ACAT2: variants seen among roughly 807,000 people sequenced by gnomAD.
The protein encoded by ACAT2 is acetyl-CoA acetyltransferase, cytosolic.
In ACAT2, 26 loss-of-function variants were observed where a neutral mutation model predicts 37.1. The ratio of observed to expected loss-of-function variants is 0.70; its 90% confidence interval spans 0.51 to 0.97. The LOEUF (loss-of-function observed/expected upper bound fraction) is 0.97. Among genes scored for constraint, ACAT2 ranks in the 50% least tolerant of loss-of-function variants. The pLI, the probability that ACAT2 is intolerant of heterozygous loss-of-function variation, is 0.00. For missense variants in ACAT2, 468 were observed against 489.0 expected (o/e 0.96, Z 0.40); for synonymous variants, 156 against 163.6 (o/e 0.95, Z 0.35).
At chr6:159,770,981 C>T (rs971017934) in intron 4 of ACAT2, among the ~76,000 whole-genome samples, 1 of 152,212 alleles carries the variant, frequency 6.6e-6, no homozygotes, top group South Asian at 2.1e-4. Context: ...AGAAGAATAG[C>T]TTGAACCCAG....
At chr6:159,770,230 A>G (rs989225214) in intron 4 of ACAT2, among the ~76,000 whole-genome samples, 2 of 152,234 alleles carry the variant, frequency 1.3e-5, no homozygotes, top group African/African-American at 2.4e-5. Flanking sequence ...TGTAGCAACT[A>G]TAATGTTCAG....
intron 4 of ACAT2, among the ~76,000 whole-genome samples, chr6:159,770,398 G>A (rs780873945): frequency 1.3e-5 from 2 of 152,164 alleles, no homozygotes; most frequent in Admixed American, 1.3e-4. Context: ...AGATACAAAG[G>A]AAAATATAAT....
chr6:159,776,744 T>C (rs1054300455), intron 6 of ACAT2, among the ~76,000 whole-genome samples: 10 of 152,340 alleles, frequency 6.6e-5, no homozygotes, highest in African/African-American at 1.9e-4. Context: ...CCCAGGCTTA[T>C]TCTTCCATTT....
intron 1 of ACAT2, 133 bp downstream of exon 1, chr6:159,762,275 G>A (rs774251171): frequency 1.7e-5 from 22 of 1,305,012 alleles, no homozygotes; most frequent in Admixed American, 2.7e-5. Flanking sequence ...GGAGCCGCGG[G>A]ATCCCTGGAA....
In ACAT2 at chr6:159,762,046, G is replaced by C. The variant is rs368969365; in HGVS notation, c.-42G>C. On this transcript the variant is annotated 5_prime_UTR_variant, in exon 1 of 9. Coordinates refer to ENST00000367048, the MANE Select transcript of ACAT2 (RefSeq NM_005891.3). ...GGGCTGCGAGGAGGAGCTTTGCCTA[G>C]CTTGCAGGCAGCGCAGGGCAGACGG... 6.2e-6 allele frequency: 10 copies of C among 1,608,326 alleles called. No individual in the cohort carries two copies. The African/African-American group carries it at 1.2e-4, about 19-fold the overall frequency.
chr6:159,767,201 A>T lies in ACAT2; in HGVS notation c.372+15A>T, dbSNP rs777210914. On this transcript the variant is annotated intron_variant, in intron 3 of 8. Transcript: ENST00000367048. ...ATATGAGCAAGGTAAGGCCTCTCTG[A>T]TGAGGTGGCTTTCACTGACCTCACA... is the stretch of plus-strand genomic sequence containing the variant. The T allele has an allele frequency of 6.2e-7, 1 of 1,613,322 alleles. No homozygotes were observed. The highest frequency in any genetic ancestry group is 1.1e-5 in the South Asian group (1 of 91,058).
At chr6:159,775,433 A>G (rs1780398083) in intron 5 of ACAT2, 120 bp downstream of exon 5, 5 of 1,214,910 alleles carry the variant, frequency 4.1e-6, no homozygotes, top group African/African-American at 3.0e-5. Context: ...GGTTGCAAAT[A>G]TATGTCCTGG....
At chr6:159,766,006 T>C (rs1026091750) in intron 2 of ACAT2, among the ~76,000 whole-genome samples, 1 of 152,216 alleles carries the variant, frequency 6.6e-6, no homozygotes, top group Admixed American at 6.5e-5. Context: ...TAACAGACAA[T>C]GGCGATTGAG....
chr6:159,776,948 C>T (rs1201017746), intron 6 of ACAT2, among the ~76,000 whole-genome samples: 6 of 152,102 alleles, frequency 3.9e-5, no homozygotes, highest in African/African-American at 1.4e-4. Flanking sequence ...ACCACCACAC[C>T]GGCTGATTTT....
At chr6:159,775,463 G>A in intron 5 of ACAT2, 150 bp downstream of exon 5, 5 of 880,826 alleles carry the variant, frequency 5.7e-6, no homozygotes, top group Non-Finnish European at 8.4e-6. Flanking sequence ...TGTGGGGAGG[G>A]GGTATGCTGG....
intron 7 of ACAT2, 70 bp from the exon 8 acceptor site, chr6:159,778,100 G>T: frequency 9.7e-7 from 1 of 1,036,118 alleles, no homozygotes; most frequent in South Asian, 1.4e-5. Flanking sequence ...TATTTATGTT[G>T]ACAAAGAATG....
intron 1 of ACAT2, 48 bp downstream of exon 1, chr6:159,762,190 C>T: frequency 1.3e-6 from 2 of 1,581,408 alleles, no homozygotes; most frequent in South Asian, 1.1e-5. Context: ...CCTGCTGCTT[C>T]GGCAGGAGCG....
intron 7 of ACAT2, among the ~76,000 whole-genome samples, chr6:159,777,816 G>T (rs962935097): frequency 6.6e-6 from 1 of 152,144 alleles, no homozygotes; most frequent in African/African-American, 2.4e-5. Context: ...CAAGTGTTGA[G>T]ATTTCAGGTG....
At chr6:159,771,054 AC>A (rs955056290) in intron 4 of ACAT2, among the ~76,000 whole-genome samples, 9 of 151,190 alleles carry the variant, frequency 6.0e-5, no homozygotes, top group African/African-American at 2.2e-4. Context: ...AACAAACAAA[AC>A]TCTGTCTCAA....
chr6:159,778,166 C>G lies in ACAT2; in HGVS notation c.913-4C>G. The G allele has an allele frequency of 6.2e-7, 1 of 1,601,114 alleles. No homozygotes were observed. On this transcript the variant is annotated splice_region_variant and splice_polypyrimidine_tract_variant and intron_variant, in intron 7 of 8. Transcript: ENST00000367048. ...GACCTCTTTTCTATGAATCTTTCCT[C>G]TAGGTTACAAAAGCAGGTTGGTCAC...
chr6:159,762,823 C>T (rs751490510), intron 1 of ACAT2, 96 bp from the exon 2 acceptor site: 1 of 1,596,258 alleles, frequency 6.3e-7, no homozygotes, highest in Non-Finnish European at 8.5e-7. Flanking sequence ...CTCGCGTGGC[C>T]TTGCCAAACA....
intron 2 of ACAT2, among the ~76,000 whole-genome samples, chr6:159,765,499 T>G (rs1315628851): frequency 6.6e-6 from 1 of 151,956 alleles, no homozygotes; most frequent in African/African-American, 2.4e-5. Flanking sequence ...CCGTACAATC[T>G]CGGCTCACTG....
intron 2 of ACAT2, among the ~76,000 whole-genome samples, chr6:159,763,814 AGGGCCGGCC>A (rs1205149957): frequency 6.7e-6 from 1 of 150,074 alleles, no homozygotes; most frequent in East Asian, 2.0e-4. Flanking sequence ...CTTACGAAGC[AGGGCCGGCC>A]GGGCCCGGTG....
chr6:159,770,008 A>G (rs1482145696), intron 4 of ACAT2, among the ~76,000 whole-genome samples: 1 of 152,230 alleles, frequency 6.6e-6, no homozygotes, highest in Non-Finnish European at 1.5e-5. Flanking sequence ...TGGAAACCTT[A>G]CTGAACTCCT....
Sources: gnomAD v4.1 joint callset for allele counts (sites outside exome capture counted in the v4.1 genomes callset) on GRCh38, gnomAD v4.1.1 for gene constraint, MANE v1.5 for transcripts, NCBI Gene and HGNC (gene_info 2026-07-23, HGNC 2026-07-21) for gene names.